LRRC56: variants seen among roughly 807,000 people sequenced by gnomAD.
LRRC56 encodes leucine rich repeat containing 56.
Under a neutral mutation model 47.8 loss-of-function variants are expected in LRRC56, and 41 were observed. The observed-to-expected ratio is 0.86, with a 90% confidence interval of 0.67 to 1.11. The LOEUF (loss-of-function observed/expected upper bound fraction) is 1.11, where lower values mean the gene tolerates loss of function less well. Among genes scored for constraint, LRRC56 ranks in the 50% most tolerant of loss-of-function variants. LRRC56 has a pLI of 0.00. For missense variants in LRRC56, 759 were observed against 704.2 expected, an observed-to-expected ratio of 1.08 and a Z score of -0.88; for synonymous variants, 387 against 311.2, an observed-to-expected ratio of 1.24 and a Z score of -2.56.
At chr11:547,743 T>C (rs1486367240) in intron 6 of LRRC56, among the ~76,000 whole-genome samples, 3 of 152,014 alleles carry the variant, frequency 2.0e-5, no homozygotes, top group African/African-American at 7.2e-5. Flanking sequence ...AAAAGAGCAG[T>C]GGAAGGTACT....
chr11:544,253 C>G (rs1400982764), intron 5 of LRRC56, among the ~76,000 whole-genome samples: 1 of 152,074 alleles, frequency 6.6e-6, no homozygotes, highest in Non-Finnish European at 1.5e-5. Flanking sequence ...GGTGTGGAGG[C>G]AGCTTGGGGG....
chr11:526,765 C>T, the LRRC56 span, among the ~76,000 whole-genome samples: 1 of 151,398 alleles, frequency 6.6e-6, no homozygotes, highest in Non-Finnish European at 1.5e-5. Flanking sequence ...GGCAAAACCC[C>T]GTCTCTACTA....
At chr11:515,069 T>C in the LRRC56 span, among the ~76,000 whole-genome samples, 1 of 152,194 alleles carries the variant, frequency 6.6e-6, no homozygotes, top group Non-Finnish European at 1.5e-5. Context: ...TTTTCATTGA[T>C]TTTCCTCTTC....
upstream of LRRC56, among the ~76,000 whole-genome samples, chr11:535,777 G>C (rs8176332): frequency 3.3e-5 from 5 of 151,920 alleles, no homozygotes; most frequent in Non-Finnish European, 2.9e-5. Flanking sequence ...GGAGACCGGA[G>C]CCGAGCTCGG....
chr11:548,747 C>T lies in LRRC56; in HGVS notation c.327-1155C>T, dbSNP rs182673032. Among the ~76,000 whole-genome samples, 144 of 152,320 alleles carry T rather than the reference C, an allele frequency of 9.5e-4. 2 individuals are homozygous for T. The Middle Eastern group carries it at 0.014, about 14-fold the overall frequency. On this transcript the variant is annotated intron_variant, in intron 6 of 13. Transcript: ENST00000270115. ...TGCTGGGATGACAGGCGTGAACCAC[C>T]GCGCCCGGCCTCAAGTGGTTTTTTA... is the stretch of plus-strand genomic sequence containing the variant.
Position 554,304 on chromosome 11 carries a change from T to C in LRRC56, c.*28T>C. The C allele has an allele frequency of 6.8e-7, 1 of 1,468,874 alleles. No individual in the cohort carries two copies. Among genetic ancestry groups the C allele is most frequent in the South Asian group, 1.4e-5 (1 of 71,546 alleles). The allele number at this position is 1,468,874 out of a possible 1,614,324, so 91.0% of individuals were successfully genotyped here. On this transcript the variant is annotated 3_prime_UTR_variant, in exon 14 of 14. Transcript: ENST00000270115. Reference sequence around the variant, plus strand: ...TAGCCCCCACTGCCAGGCTTCCCTGTGCTGGGGCCACGACTTGCCCACATA... The same window carrying C: ...TAGCCCCCACTGCCAGGCTTCCCTGCGCTGGGGCCACGACTTGCCCACATA...
intron 12 of LRRC56, 119 bp downstream of exon 12, chr11:552,351 C>G (rs1852446613): frequency 1.4e-6 from 2 of 1,409,888 alleles, no homozygotes; most frequent in Non-Finnish European, 1.9e-6. Context: ...CCTGCATGTC[C>G]TGTCCCGTGG....
At chr11:526,677 C>G in the LRRC56 span, among the ~76,000 whole-genome samples, 1 of 152,240 alleles carries the variant, frequency 6.6e-6, no homozygotes, top group African/African-American at 2.4e-5. Context: ...TGGCTCATGC[C>G]TGTAATCCCA....
At chr11:522,654 C>A in the LRRC56 span, among the ~76,000 whole-genome samples, 1 of 152,214 alleles carries the variant, frequency 6.6e-6, no homozygotes, top group African/African-American at 2.4e-5. Flanking sequence ...CCACCTTGGC[C>A]TCCCAAAGTG....
Position 551,170 on chromosome 11 carries a change from C to T in LRRC56, c.664C>T (p.Leu222Phe). The change falls in exon 9 of 14, where the codon CTC becomes TTC. Residue 222 changes from leucine (L) to phenylalanine (F), a missense_variant. Leu to Phe is a conservative substitution (Grantham distance 22). Coordinates refer to ENST00000270115, the MANE Select transcript of LRRC56 (RefSeq NM_198075.4). ...CAACTACAGGGCAGAGGTGAGGAAG[C>T]TCATTCCCCAGCTGCAGGTCCTGGA... ...GYNYRAEVRKLIPQLQVLDEV... is the reference protein window; with the variant it reads ...GYNYRAEVRKFIPQLQVLDEV... 2 of 1,542,546 alleles carry T rather than the reference C, an allele frequency of 1.3e-6. No homozygotes were observed. The highest frequency in any genetic ancestry group is 1.8e-6 in the Non-Finnish European group (2 of 1,142,076).
At chr11:532,686 G>A (rs397517144), upstream of LRRC56, 74 of 1,613,046 alleles carry the variant, frequency 4.6e-5, no homozygotes, top group Admixed American at 1.2e-3. Flanking sequence ...CTCTCATCAG[G>A]AGGGTTCAGC....
the LRRC56 span, among the ~76,000 whole-genome samples, chr11:511,654 AC>A: frequency 6.6e-6 from 1 of 152,244 alleles, no homozygotes; most frequent in African/African-American, 2.4e-5. Context: ...CAGAAAGCAG[AC>A]CAGTCGGCAG....
At chr11:536,161 G>T (rs982386846), upstream of LRRC56, among the ~76,000 whole-genome samples, 1 of 152,224 alleles carries the variant, frequency 6.6e-6, no homozygotes, top group Admixed American at 6.5e-5. Flanking sequence ...TTGCAGCCCC[G>T]GTGGGGTTCC....
chr11:552,098 G>GC lies in LRRC56; in HGVS notation c.1053dup (p.Glu352ArgfsTer21), dbSNP rs761092893. The GC allele has an allele frequency of 6.2e-6, 10 of 1,610,276 alleles. No individual in the cohort carries two copies. In the East Asian group the frequency reaches 1.1e-4, roughly 18 times the overall value. ...TCCCTTTTCCTCCCCAGGCCAGGGA[G>GC]CCCCCCGAGCAGCTGCCCCAACACA... On this transcript the variant is annotated frameshift_variant, in exon 12 of 14. Transcript: ENST00000270115. LOFTEE classifies it high-confidence loss of function.
At chr11:547,351 T>A (rs886215217) in intron 6 of LRRC56, among the ~76,000 whole-genome samples, 1 of 151,666 alleles carries the variant, frequency 6.6e-6, no homozygotes, top group African/African-American at 2.4e-5. Flanking sequence ...GCCTCTATTA[T>A]TTTGTGTTTT....
chr11:539,142 G>T (rs1388657926), intron 2 of LRRC56, among the ~76,000 whole-genome samples: 1 of 152,196 alleles, frequency 6.6e-6, no homozygotes, highest in Non-Finnish European at 1.5e-5. Flanking sequence ...GTGCAGTGGT[G>T]CCATCTTGGC....
At chr11:527,895 T>G in the LRRC56 span, among the ~76,000 whole-genome samples, 2 of 151,990 alleles carry the variant, frequency 1.3e-5, no homozygotes, top group South Asian at 4.2e-4. Context: ...AGAGACAGGG[T>G]TTCTCCATGT....
At chr11:525,399 C>T in the LRRC56 span, among the ~76,000 whole-genome samples, 12 of 151,908 alleles carry the variant, frequency 7.9e-5, 1 homozygote, top group Non-Finnish European at 1.5e-4. Context: ...ATTAGCCGGC[C>T]GTGGTGGCGG....
At chr11:547,498 G>A (rs1014315593) in intron 6 of LRRC56, among the ~76,000 whole-genome samples, 6 of 151,700 alleles carry the variant, frequency 4.0e-5, no homozygotes, top group African/African-American at 1.5e-4. Context: ...GACTACAGGC[G>A]CCTGCCACCA....
Sources: gnomAD v4.1 joint callset for allele counts (sites outside exome capture counted in the v4.1 genomes callset) on GRCh38, gnomAD v4.1.1 for gene constraint, MANE v1.5 for transcripts, NCBI Gene and HGNC (gene_info 2026-07-23, HGNC 2026-07-21) for gene names.